The following NEGR1 variants were observed in gnomAD, a reference collection of about 807,000 sequenced individuals.
NEGR1 encodes the protein IgLON family member 4.
NEGR1 carries 10 observed loss-of-function variants against 40.9 expected under a neutral mutation model. That is an observed-to-expected ratio of 0.24 (90% CI 0.15 to 0.42). The LOEUF is 0.42. Ranked by LOEUF, NEGR1 falls within the 10% of genes least tolerant of loss-of-function variation. The pLI is 1.00. For synonymous variants in NEGR1, 185 were observed against 166.8 expected (o/e 1.11, Z -0.84); for missense variants, 352 against 438.9 (o/e 0.80, Z 1.77).
chr1:71,751,007 T>C (rs1267463499), intron 3 of NEGR1, among the ~76,000 whole-genome samples: 1 of 152,104 alleles, frequency 6.6e-6, no homozygotes, highest in Non-Finnish European at 1.5e-5. Context: ...TTAGTGATGA[T>C]CTTATACAGG....
chr1:71,407,789 T>C, intron 6 of NEGR1: 1 of 485,756 alleles, frequency 2.1e-6, no homozygotes, highest in Non-Finnish European at 3.7e-6. Flanking sequence ...ATAATAGAAA[T>C]AATAGAATCC....
At chr1:71,794,997 G>A (rs1291364851) in intron 2 of NEGR1, among the ~76,000 whole-genome samples, 2 of 151,994 alleles carry the variant, frequency 1.3e-5, no homozygotes, top group Non-Finnish European at 2.9e-5. Context: ...GACAAGAAGT[G>A]CACCTTCACT....
intron 1 of NEGR1, among the ~76,000 whole-genome samples, chr1:72,005,164 C>T (rs1362027004): frequency 6.6e-6 from 1 of 152,030 alleles, no homozygotes; most frequent in Non-Finnish European, 1.5e-5. Flanking sequence ...TATTTGGCAC[C>T]TAAGCTCTGT....
intron 1 of NEGR1, among the ~76,000 whole-genome samples, chr1:72,145,148 A>G (rs2100343530): frequency 6.6e-6 from 1 of 152,162 alleles, no homozygotes; most frequent in Non-Finnish European, 1.5e-5. Flanking sequence ...CCTCAAAGGG[A>G]AAAAAATTCA....
chr1:71,549,351 C>A (rs1433440954), intron 6 of NEGR1, among the ~76,000 whole-genome samples: 1 of 151,646 alleles, frequency 6.6e-6, no homozygotes, highest in African/African-American at 2.4e-5. Flanking sequence ...CAAAAGTTAT[C>A]TTTGTTCAAC....
At chr1:71,674,494 G>C (rs893730629) in intron 4 of NEGR1, among the ~76,000 whole-genome samples, 1 of 151,682 alleles carries the variant, frequency 6.6e-6, no homozygotes, top group East Asian at 1.9e-4. Context: ...TTTAGACTTT[G>C]TATTACATTA....
At chr1:71,767,050 G>T (rs973272575) in intron 3 of NEGR1, among the ~76,000 whole-genome samples, 3 of 152,122 alleles carry the variant, frequency 2.0e-5, no homozygotes, top group Non-Finnish European at 4.4e-5. Flanking sequence ...ATGCAGTCTC[G>T]GGTATTTCTT....
At chr1:72,068,665 C>A (rs1293758276) in intron 1 of NEGR1, among the ~76,000 whole-genome samples, 2 of 152,080 alleles carry the variant, frequency 1.3e-5, no homozygotes, top group Non-Finnish European at 2.9e-5. Flanking sequence ...AATAAAACTT[C>A]TTGAAGTAAA....
At chr1:72,225,954 G>A (rs569588791) in intron 1 of NEGR1, among the ~76,000 whole-genome samples, 217 of 151,838 alleles carry the variant, frequency 1.4e-3, no homozygotes, top group Admixed American at 2.3e-3. Context: ...GTAAATATAA[G>A]TTATTAGGAG....
chr1:71,513,661 T>A (rs1647093190), intron 6 of NEGR1, among the ~76,000 whole-genome samples: 1 of 152,162 alleles, frequency 6.6e-6, no homozygotes, highest in Non-Finnish European at 1.5e-5. Context: ...AAACTGAGAT[T>A]CACGGAAGTT....
At chr1:72,115,045 T>C (rs1457118316) in intron 1 of NEGR1, among the ~76,000 whole-genome samples, 1 of 151,750 alleles carries the variant, frequency 6.6e-6, no homozygotes, top group Non-Finnish European at 1.5e-5. Flanking sequence ...GAAGCTGATT[T>C]TGTTTTGGGA....
At chr1:71,670,033 C>T (rs1222382889) in intron 4 of NEGR1, among the ~76,000 whole-genome samples, 1 of 151,934 alleles carries the variant, frequency 6.6e-6, no homozygotes, top group Non-Finnish European at 1.5e-5. Flanking sequence ...ACATATTTAC[C>T]CTTTCCATTA....
chr1:71,689,660 T>C (rs930070241), intron 4 of NEGR1, among the ~76,000 whole-genome samples: 1 of 152,036 alleles, frequency 6.6e-6, no homozygotes, highest in Non-Finnish European at 1.5e-5. Context: ...CCAAGGTGAC[T>C]GAATAAAATT....
At chr1:71,804,510 A>G (rs1657680904) in intron 2 of NEGR1, among the ~76,000 whole-genome samples, 1 of 152,242 alleles carries the variant, frequency 6.6e-6, no homozygotes, top group African/African-American at 2.4e-5. Flanking sequence ...TGGCAGAAGA[A>G]CATAAATTGT....
At chr1:72,239,380 A>G (rs950871418) in intron 1 of NEGR1, among the ~76,000 whole-genome samples, 3 of 151,860 alleles carry the variant, frequency 2.0e-5, no homozygotes, top group African/African-American at 7.2e-5. Flanking sequence ...ATTTCTTCAA[A>G]CAACCACTGT....
At chr1:71,935,705 T>A (rs1318338615) in intron 1 of NEGR1, among the ~76,000 whole-genome samples, 1 of 152,204 alleles carries the variant, frequency 6.6e-6, no homozygotes, top group Non-Finnish European at 1.5e-5. Flanking sequence ...AAGGTCATGA[T>A]TTAGACTGAC....
At chr1:71,940,132 C>T (rs1645945650) in intron 1 of NEGR1, among the ~76,000 whole-genome samples, 2 of 152,104 alleles carry the variant, frequency 1.3e-5, no homozygotes, top group Non-Finnish European at 2.9e-5. Context: ...TAACAGTTCT[C>T]TGGTCACAAA....
At chr1:72,091,274 T>C (rs1206355873) in intron 1 of NEGR1, among the ~76,000 whole-genome samples, 1 of 152,172 alleles carries the variant, frequency 6.6e-6, no homozygotes, top group East Asian at 1.9e-4. Context: ...ACAATGATGG[T>C]GACAATGACG....
chr1:72,083,290 C>T (rs1355940882), intron 1 of NEGR1, among the ~76,000 whole-genome samples: 6 of 151,940 alleles, frequency 3.9e-5, no homozygotes, highest in Non-Finnish European at 8.8e-5. Context: ...CCCTCCCTCG[C>T]TCATTCTCTC....
Sources: gnomAD v4.1 joint callset for allele counts (sites outside exome capture counted in the v4.1 genomes callset) on GRCh38, gnomAD v4.1.1 for gene constraint, MANE v1.5 for transcripts, NCBI Gene and HGNC (gene_info 2026-07-23, HGNC 2026-07-21) for gene names.